Variants in SGCZ observed in about 807,000 individuals in gnomAD.
SGCZ encodes the protein zeta-sarcoglycan.
A neutral mutation model predicts 41.3 loss-of-function variants in SGCZ; 40 were observed. The ratio of observed to expected loss-of-function variants is 0.97; its 90% CI spans 0.75 to 1.26. The LOEUF is 1.26. SGCZ is among the 50% of genes most tolerant of loss of function. The pLI, the probability that SGCZ is intolerant of heterozygous loss-of-function variation, is 0.00. For missense variants in SGCZ, 552 were observed against 369.8 expected (o/e 1.49, Z -4.04); for synonymous variants, 206 against 137.5 (o/e 1.50, Z -3.49).
intron 2 of SGCZ, among the ~76,000 whole-genome samples, chr8:14,399,438 G>A (rs900382302): frequency 6.6e-6 from 1 of 151,922 alleles, no homozygotes; most frequent in Non-Finnish European, 1.5e-5. Context: ...CTGGACTTCT[G>A]TTTTTTAAAA....
rs972113530 is a variant in SGCZ at position 14,936,575 on chromosome 8, G to C, written c.39+301010C>G. ...AAAATTTTAAGTTGGACTTTTGTAA[G>C]TTTCATAAGTCAGGGACCATTTATA... On this transcript the variant is annotated intron_variant, in intron 1 of 7. Transcript: ENST00000382080. Among the ~76,000 whole-genome samples the C allele has an allele frequency of 2.6e-5, 4 of 151,800 alleles. No homozygotes were observed. The South Asian group carries it at 8.3e-4, about 31-fold the overall frequency.
intron 4 of SGCZ, among the ~76,000 whole-genome samples, chr8:14,209,485 G>T (rs534529165): frequency 6.6e-6 from 1 of 152,118 alleles, no homozygotes; most frequent in South Asian, 2.1e-4. Flanking sequence ...TTACAGATCA[G>T]GAGTGTGGAA....
chr8:15,014,415 G>T (rs1275187004), intron 1 of SGCZ, among the ~76,000 whole-genome samples: 1 of 152,154 alleles, frequency 6.6e-6, no homozygotes, highest in Non-Finnish European at 1.5e-5. Flanking sequence ...GCTTCATTTT[G>T]CGTGTGTCTT....
intron 2 of SGCZ, among the ~76,000 whole-genome samples, chr8:14,504,165 G>A (rs1802236506): frequency 1.3e-5 from 2 of 152,112 alleles, no homozygotes; most frequent in Non-Finnish European, 2.9e-5. Context: ...TGATACAACT[G>A]AGATCTATAT....
At chr8:15,221,790 G>C (rs1342722062) in intron 1 of SGCZ, among the ~76,000 whole-genome samples, 1 of 152,072 alleles carries the variant, frequency 6.6e-6, no homozygotes, top group Non-Finnish European at 1.5e-5. Flanking sequence ...GATTGTCCAG[G>C]AATACAACCT....
At chr8:14,999,150 T>C (rs1270453717) in intron 1 of SGCZ, among the ~76,000 whole-genome samples, 1 of 152,204 alleles carries the variant, frequency 6.6e-6, no homozygotes, top group African/African-American at 2.4e-5. Flanking sequence ...AATGTTTCCA[T>C]GTAGCCACAC....
chr8:14,371,901 A>G (rs776711179), intron 2 of SGCZ, among the ~76,000 whole-genome samples: 1 of 152,170 alleles, frequency 6.6e-6, no homozygotes, highest in Admixed American at 6.6e-5. Context: ...GGGTTAAAGA[A>G]GATGGAGATC....
At chr8:15,236,862 C>G (rs1352582953) in intron 1 of SGCZ, among the ~76,000 whole-genome samples, 1 of 151,978 alleles carries the variant, frequency 6.6e-6, no homozygotes, top group African/African-American at 2.4e-5. Context: ...CGTGTGCGGC[C>G]GGAGCCTCCG....
chr8:14,627,375 C>T (rs1025973284), intron 1 of SGCZ, among the ~76,000 whole-genome samples: 3 of 152,070 alleles, frequency 2.0e-5, no homozygotes, highest in Non-Finnish European at 2.9e-5. Flanking sequence ...TATATAGAAT[C>T]CAGGTTGAGA....
At chr8:14,391,681 G>T (rs1033011524) in intron 2 of SGCZ, among the ~76,000 whole-genome samples, 1 of 152,120 alleles carries the variant, frequency 6.6e-6, no homozygotes, top group Non-Finnish European at 1.5e-5. Context: ...TGGATTTAGG[G>T]ATATAGTGAC....
At position 14,313,806 on chromosome 8, in the gene SGCZ, A is replaced by G. The variant is rs114417602; in HGVS notation, c.336+10297T>C. Among the ~76,000 whole-genome samples, 1,221 of 152,310 alleles carry G rather than the reference A, an allele frequency of 8.0e-3. 21 individuals are homozygous for G. Among genetic ancestry groups the G allele is most frequent in the African/African-American group, 0.028 (1,158 of 41,566 alleles). ...ACACAAATCTGGTACTTTATAGAAT[A>G]GCAATCTGAGCTGATATGTGCTTCC... On this transcript the variant is annotated intron_variant, in intron 3 of 7. Transcript: ENST00000382080.
intron 1 of SGCZ, among the ~76,000 whole-genome samples, chr8:14,837,015 T>C (rs1168737662): frequency 1.3e-5 from 2 of 152,200 alleles, no homozygotes; most frequent in Non-Finnish European, 1.5e-5. Flanking sequence ...AGTTATTTTC[T>C]TCTTTAAAAA....
intron 1 of SGCZ, among the ~76,000 whole-genome samples, chr8:14,599,915 C>T (rs888515040): frequency 1.3e-5 from 2 of 152,104 alleles, no homozygotes; most frequent in Admixed American, 6.5e-5. Flanking sequence ...CTTCACATCA[C>T]TTCATAGGAA....
intron 2 of SGCZ, among the ~76,000 whole-genome samples, chr8:14,474,646 A>T (rs1256113502): frequency 2.0e-5 from 3 of 152,220 alleles, no homozygotes; most frequent in Non-Finnish European, 4.4e-5. Context: ...TTTTTTAAAA[A>T]TACTTTTCTA....
intron 1 of SGCZ, among the ~76,000 whole-genome samples, chr8:15,049,494 G>A (rs557449055): frequency 1.3e-5 from 2 of 152,214 alleles, no homozygotes; most frequent in South Asian, 4.1e-4. Flanking sequence ...AAGCAAAGAA[G>A]TAACATGATC....
intron 1 of SGCZ, among the ~76,000 whole-genome samples, chr8:15,012,552 T>TTATATATAACATATAAATATATA (rs1802864526): frequency 4.1e-5 from 3 of 72,446 alleles, no homozygotes; most frequent in African/African-American, 1.5e-4. Context: ...ATATGAATAT[T>TTATATATAACATATAAATATATA]TATATATAAC....
intron 1 of SGCZ, among the ~76,000 whole-genome samples, chr8:15,172,154 G>GTTTTTTTT (rs1183210302): frequency 2.8e-4 from 20 of 71,776 alleles, no homozygotes; most frequent in African/African-American, 5.6e-4. Flanking sequence ...TTTATACTCT[G>GTTTTTTTT]TTTTTTTTTT....
At chr8:14,388,103 T>A (rs1370846258) in intron 2 of SGCZ, among the ~76,000 whole-genome samples, 1 of 152,004 alleles carries the variant, frequency 6.6e-6, no homozygotes, top group South Asian at 2.1e-4. Flanking sequence ...AATGGTAAAT[T>A]TGAAGTGAAA....
intron 1 of SGCZ, among the ~76,000 whole-genome samples, chr8:14,688,617 A>C (rs530710735): frequency 6.6e-6 from 1 of 152,216 alleles, no homozygotes; most frequent in African/African-American, 2.4e-5. Context: ...ATAGTTTGAA[A>C]TCAGGTAGCG....
Sources: allele counts gnomAD v4.1 joint callset (sites outside exome capture counted in the v4.1 genomes callset), GRCh38; gene constraint gnomAD v4.1.1; transcripts MANE v1.5; gene names NCBI Gene and HGNC (gene_info 2026-07-23, HGNC 2026-07-21).